Variants in STIM2 observed in about 807,000 individuals in gnomAD.
The protein encoded by STIM2 is stromal interaction molecule 2.
In STIM2, 31 loss-of-function variants were observed where a neutral mutation model predicts 85.8. The ratio of observed to expected loss-of-function variants is 0.36; its 90% CI spans 0.27 to 0.49. The LOEUF (loss-of-function observed/expected upper bound fraction) is 0.49, where lower values mean the gene tolerates loss of function less well. Ranked by LOEUF, STIM2 falls within the 20% of genes least tolerant of loss-of-function variation. STIM2 has a pLI of 0.98. For missense variants in STIM2, 841 were observed against 927.6 expected (o/e 0.91, Z 1.21); for synonymous variants, 356 against 331.1 (o/e 1.08, Z -0.82).
chr4:26,939,516 G>A (rs1177801636), intron 2 of STIM2, among the ~76,000 whole-genome samples: 1 of 152,062 alleles, frequency 6.6e-6, no homozygotes, highest in Non-Finnish European at 1.5e-5. Flanking sequence ...ATATTTTGCC[G>A]GGATCCTGAA....
At chr4:26,917,981 C>T (rs922282968) in intron 1 of STIM2, among the ~76,000 whole-genome samples, 2 of 152,094 alleles carry the variant, frequency 1.3e-5, no homozygotes, top group Non-Finnish European at 2.9e-5. Flanking sequence ...ACCATTATGC[C>T]TCCGAGTTCT....
At chr4:27,010,215 G>T (rs896389708) in intron 10 of STIM2, among the ~76,000 whole-genome samples, 1 of 152,152 alleles carries the variant, frequency 6.6e-6, no homozygotes, top group Admixed American at 6.6e-5. Flanking sequence ...GGAGGCTGAG[G>T]CAGGCAGGTC....
intron 2 of STIM2, among the ~76,000 whole-genome samples, chr4:26,943,183 C>CT (rs139530287): frequency 0.19 from 28,167 of 151,660 alleles, 2,791 homozygotes; most frequent in East Asian, 0.41. Context: ...TAATTCTATC[C>CT]TTTTTTTTCA....
At chr4:27,020,163 G>A (rs1728865523) in intron 11 of STIM2, among the ~76,000 whole-genome samples, 1 of 152,182 alleles carries the variant, frequency 6.6e-6, no homozygotes, top group Admixed American at 6.5e-5. Flanking sequence ...ATTGTTTAGA[G>A]TTTAGAGGCT....
intron 2 of STIM2, among the ~76,000 whole-genome samples, chr4:26,955,218 A>G (rs984992541): frequency 6.8e-6 from 1 of 147,582 alleles, no homozygotes; most frequent in African/African-American, 2.6e-5. Flanking sequence ...TGGCTTTTCT[A>G]AAATAGTTAA....
intron 3 of STIM2, among the ~76,000 whole-genome samples, chr4:26,984,614 C>G (rs1468365298): frequency 6.6e-6 from 1 of 152,228 alleles, no homozygotes; most frequent in African/African-American, 2.4e-5. Flanking sequence ...ATCTGCCCGC[C>G]TCTGGCTCCC....
chr4:26,993,636 T>C (rs1727845082), intron 3 of STIM2, among the ~76,000 whole-genome samples: 1 of 152,166 alleles, frequency 6.6e-6, no homozygotes, highest in Admixed American at 6.6e-5. Context: ...CTGTAGTCTA[T>C]AAGCATTAAC....
intron 2 of STIM2, among the ~76,000 whole-genome samples, chr4:26,938,390 A>G (rs1437932590): frequency 6.6e-6 from 1 of 152,196 alleles, no homozygotes; most frequent in East Asian, 1.9e-4. Context: ...ATGTGTAGCT[A>G]GTTACTATAG....
chr4:26,939,655 G>T (rs867271499), intron 2 of STIM2, among the ~76,000 whole-genome samples: 2 of 151,988 alleles, frequency 1.3e-5, no homozygotes. Flanking sequence ...GTTAATTGGG[G>T]ATGTTTGAAA....
At chr4:26,971,577 G>A (rs1044071175) in intron 3 of STIM2, among the ~76,000 whole-genome samples, 9 of 152,108 alleles carry the variant, frequency 5.9e-5, no homozygotes, top group Non-Finnish European at 1.0e-4. Flanking sequence ...TATTTCTGAG[G>A]CCTCTGTTCT....
At chr4:26,875,409 C>A (rs760238855) in intron 1 of STIM2, among the ~76,000 whole-genome samples, 1 of 151,844 alleles carries the variant, frequency 6.6e-6, no homozygotes, top group Non-Finnish European at 1.5e-5. Flanking sequence ...TTTAGTTTTA[C>A]GTTTTGAAGT....
chr4:26,866,184 C>G (rs1235811214), intron 1 of STIM2, among the ~76,000 whole-genome samples: 1 of 152,118 alleles, frequency 6.6e-6, no homozygotes, highest in Non-Finnish European at 1.5e-5. Flanking sequence ...CTCCTCTTAC[C>G]TCCCCCACAA....
intron 3 of STIM2, among the ~76,000 whole-genome samples, chr4:26,970,890 C>A (rs1726923263): frequency 6.6e-6 from 1 of 152,168 alleles, no homozygotes; most frequent in South Asian, 2.1e-4. Flanking sequence ...TTCTCCACAT[C>A]CTCTCCAGCA....
intron 3 of STIM2, among the ~76,000 whole-genome samples, chr4:26,986,645 G>A (rs1727596793): frequency 6.6e-6 from 1 of 152,166 alleles, no homozygotes; most frequent in Non-Finnish European, 1.5e-5. Flanking sequence ...CGATACCACT[G>A]TCGACCACAC....
At chr4:26,863,761 A>C (rs1158583549) in intron 1 of STIM2, among the ~76,000 whole-genome samples, 1 of 152,076 alleles carries the variant, frequency 6.6e-6, no homozygotes, top group Non-Finnish European at 1.5e-5. Context: ...GAAAATTGAA[A>C]ATTTTTGAAA....
intron 2 of STIM2, among the ~76,000 whole-genome samples, chr4:26,943,180 A>G (rs531510119): frequency 1.1e-3 from 160 of 145,354 alleles, no homozygotes; most frequent in Non-Finnish European, 7.6e-5. Flanking sequence ...TTTTAATTCT[A>G]TCCTTTTTTT....
chr4:26,915,591 T>C (rs560230770), intron 1 of STIM2, among the ~76,000 whole-genome samples: 1 of 152,320 alleles, frequency 6.6e-6, no homozygotes, highest in Non-Finnish European at 1.5e-5. Flanking sequence ...ACTTTATTTC[T>C]GTAGAACCAT....
chr4:26,998,843 C>A lies in STIM2; in HGVS notation c.510-389C>A, dbSNP rs143113408. 1.1e-4 allele frequency among the ~76,000 whole-genome samples: 17 copies of A among 150,784 alleles called. 1 individual carries two copies. The highest frequency in any genetic ancestry group is 1.1e-3 in the Admixed American group (17 of 15,118). Reference sequence around the variant, plus strand: ...AGGAGAATTGCTTGAACCCGGGAGGCGGAGGTTGCAGAGAGCCGAGATCGA... The same window carrying A: ...AGGAGAATTGCTTGAACCCGGGAGGAGGAGGTTGCAGAGAGCCGAGATCGA... On this transcript the variant is annotated intron_variant, in intron 4 of 11. Transcript: ENST00000467087.
At chr4:26,886,692 C>A (rs1372321470) in intron 1 of STIM2, among the ~76,000 whole-genome samples, 7 of 151,984 alleles carry the variant, frequency 4.6e-5, no homozygotes, top group African/African-American at 1.7e-4. Context: ...GTTGTCTGGG[C>A]TAGAATGTAC....
Sources: allele counts gnomAD v4.1 joint callset (sites outside exome capture counted in the v4.1 genomes callset), GRCh38; gene constraint gnomAD v4.1.1; transcripts MANE v1.5; gene names NCBI Gene and HGNC (gene_info 2026-07-23, HGNC 2026-07-21).